LY86: variants seen among roughly 807,000 people sequenced by gnomAD.
LY86 encodes lymphocyte antigen 86.
A neutral mutation model predicts 17.3 loss-of-function variants in LY86; 20 were observed. That is an observed-to-expected ratio of 1.15 (90% CI 0.81 to 1.68). LY86 has a LOEUF of 1.68. Ranked by LOEUF, LY86 falls within the 40% of genes most tolerant of loss-of-function variation. LY86 has a pLI of 0.00. For synonymous variants in LY86, 74 were observed against 70.6 expected (o/e 1.05, Z -0.24); for missense variants, 200 against 191.9 (o/e 1.04, Z -0.25).
At chr6:6,612,458 C>G (rs376970418) in intron 1 of LY86, among the ~76,000 whole-genome samples, 26 of 152,316 alleles carry the variant, frequency 1.7e-4, no homozygotes, top group Middle Eastern at 3.4e-3. Context: ...GAGTGTTACA[C>G]TTCATAAAAG....
chr6:6,637,202 A>G (rs780157257), intron 3 of LY86, among the ~76,000 whole-genome samples: 15 of 151,980 alleles, frequency 9.9e-5, no homozygotes, highest in Non-Finnish European at 1.8e-4. Flanking sequence ...TAGTAGAGAC[A>G]GGGTTTCACC....
At chr6:6,591,241 C>T (rs1760515838) in intron 1 of LY86, 1 of 153,776 alleles carries the variant, frequency 6.5e-6, no homozygotes, top group Non-Finnish European at 1.5e-5. Flanking sequence ...GGACACATCA[C>T]CTGCCCACAG....
chr6:6,642,868 C>T (rs146545766), intron 3 of LY86, among the ~76,000 whole-genome samples: 2 of 152,242 alleles, frequency 1.3e-5, no homozygotes, highest in African/African-American at 2.4e-5. Context: ...TCCCTCCCTC[C>T]TCCTCCTCCG....
intron 1 of LY86, among the ~76,000 whole-genome samples, chr6:6,614,326 T>G (rs1761492852): frequency 6.6e-6 from 1 of 152,126 alleles, no homozygotes; most frequent in Non-Finnish European, 1.5e-5. Context: ...TGCTTGTCTC[T>G]TAAGTAGTTC....
intron 1 of LY86, among the ~76,000 whole-genome samples, chr6:6,620,093 T>G (rs972643366): frequency 1.3e-5 from 2 of 152,102 alleles, no homozygotes; most frequent in African/African-American, 2.4e-5. Context: ...TTCTAACCAT[T>G]TTAAACCCAA....
intron 1 of LY86, among the ~76,000 whole-genome samples, chr6:6,613,972 T>TG (rs1353278399): frequency 6.6e-6 from 1 of 152,232 alleles, no homozygotes; most frequent in Non-Finnish European, 1.5e-5. Context: ...CAAATTCTGA[T>TG]GGAGATATTT....
At chr6:6,629,875 CCAAA>C (rs1368614657) in intron 3 of LY86, among the ~76,000 whole-genome samples, 1 of 152,138 alleles carries the variant, frequency 6.6e-6, no homozygotes, top group Non-Finnish European at 1.5e-5. Flanking sequence ...CATTATTCAG[CCAAA>C]CAAAGGTACA....
chr6:6,654,723 C>A lies in LY86; in HGVS notation c.*96C>A. The A allele has an allele frequency of 1.9e-6, 2 of 1,046,214 alleles. No homozygotes were observed. The highest frequency in any genetic ancestry group is 2.0e-5 in the Admixed American group (1 of 48,934). The allele number at this position is 1,046,214 out of a possible 1,614,324, so 64.8% of individuals were successfully genotyped here. A position where few individuals can be genotyped will look rare whatever the true frequency, so the allele number is the denominator to read the frequency against. On this transcript the variant is annotated 3_prime_UTR_variant, in exon 5 of 5. Coordinates refer to ENST00000230568, the MANE Select transcript of LY86 (RefSeq NM_004271.4). Reference sequence around the variant, plus strand: ...CTGTGGGAGGAGAAGCAGCTGATGACAGAGAGAGGCTCTACAAAGAAGCGC... The same window carrying A: ...CTGTGGGAGGAGAAGCAGCTGATGAAAGAGAGAGGCTCTACAAAGAAGCGC...
At chr6:6,623,580 A>G (rs1196495268) in intron 1 of LY86, among the ~76,000 whole-genome samples, 1 of 152,206 alleles carries the variant, frequency 6.6e-6, no homozygotes, top group African/African-American at 2.4e-5. Flanking sequence ...AGAGGGCTGG[A>G]TTTGGAGCTG....
intron 3 of LY86, among the ~76,000 whole-genome samples, chr6:6,646,568 C>T (rs1237856882): frequency 6.6e-6 from 1 of 152,168 alleles, no homozygotes; most frequent in African/African-American, 2.4e-5. Flanking sequence ...TTTCTGAAAT[C>T]TAAATGCCAA....
intron 3 of LY86, among the ~76,000 whole-genome samples, chr6:6,630,636 A>G (rs913821800): frequency 2.0e-5 from 3 of 152,190 alleles, no homozygotes; most frequent in African/African-American, 7.2e-5. Flanking sequence ...CTCAATCCTC[A>G]AGAACAACAA....
At chr6:6,612,762 T>C (rs1761418191) in intron 1 of LY86, among the ~76,000 whole-genome samples, 1 of 152,252 alleles carries the variant, frequency 6.6e-6, no homozygotes, top group Non-Finnish European at 1.5e-5. Context: ...ATTAGCTAGA[T>C]ACAGAGTGTT....
intron 3 of LY86, among the ~76,000 whole-genome samples, chr6:6,630,403 T>C (rs932805944): frequency 2.6e-5 from 4 of 152,228 alleles, no homozygotes; most frequent in African/African-American, 9.7e-5. Flanking sequence ...GAGACAACAT[T>C]GGCCACTGTT....
rs920095536 is a variant in LY86 at position 6,625,861 on chromosome 6, G to A, written c.224-432G>A. On this transcript the variant is annotated intron_variant, in intron 2 of 4. Transcript: ENST00000230568. ...ATTGGAAGCCACCACCATGGAACCC[G>A]CTGCAGCTTCCTGTGCACCTGTGCT... is the stretch of plus-strand genomic sequence containing the variant. 1.6e-4 allele frequency among the ~76,000 whole-genome samples: 25 copies of A among 152,162 alleles called. 1 individual carries two copies. Among genetic ancestry groups the A allele is most frequent in the Admixed American group, 1.5e-3 (23 of 15,276 alleles).
chr6:6,642,098 G>A (rs149817025), intron 3 of LY86, among the ~76,000 whole-genome samples: 1 of 152,366 alleles, frequency 6.6e-6, no homozygotes, highest in African/African-American at 2.4e-5. Context: ...CCCTGCTGAT[G>A]CCCACTCCAG....
At chr6:6,620,943 A>T (rs1376995884) in intron 1 of LY86, 1 of 152,252 alleles carries the variant, frequency 6.6e-6, no homozygotes, top group African/African-American at 2.4e-5. Flanking sequence ...CAGGGTTCAC[A>T]TGCTGCTGGT....
chr6:6,639,049 G>T (rs903461864), intron 3 of LY86, among the ~76,000 whole-genome samples: 1 of 151,920 alleles, frequency 6.6e-6, no homozygotes, highest in Admixed American at 6.6e-5. Flanking sequence ...ATGATAGACT[G>T]GATTAAGAAA....
intron 1 of LY86, among the ~76,000 whole-genome samples, chr6:6,590,730 G>C (rs1760497688): frequency 6.6e-6 from 1 of 152,178 alleles, no homozygotes; most frequent in Middle Eastern, 3.2e-3. Flanking sequence ...ACAGGAGATG[G>C]AAAAGAGAAG....
In LY86 at chr6:6,614,130, G is replaced by A. The variant is rs150450454; in HGVS notation, c.137-10796G>A. Among the ~76,000 whole-genome samples the A allele has an allele frequency of 4.9e-4, 74 of 152,252 alleles. 1 individual carries two copies. In the Middle Eastern group the frequency reaches 0.01, roughly 21 times the overall value. On this transcript the variant is annotated intron_variant, in intron 1 of 4. Transcript: ENST00000230568. Reference sequence around the variant, plus strand: ...GTTTAGGAAACAAAATGGATGAGTTGACTTTCCATCTCCAAAAGTCACGGT... The same window carrying A: ...GTTTAGGAAACAAAATGGATGAGTTAACTTTCCATCTCCAAAAGTCACGGT...
Sources: gnomAD v4.1 joint callset for allele counts (sites outside exome capture counted in the v4.1 genomes callset) on GRCh38, gnomAD v4.1.1 for gene constraint, MANE v1.5 for transcripts, NCBI Gene and HGNC (gene_info 2026-07-23, HGNC 2026-07-21) for gene names.